Variants in MYT1L observed in about 807,000 individuals in gnomAD.
MYT1L encodes myelin transcription factor 1-like protein.
Under a neutral mutation model 126.7 loss-of-function variants are expected in MYT1L, and 12 were observed. That is an observed-to-expected ratio of 0.09 (90% CI 0.06 to 0.15). MYT1L has a LOEUF of 0.15. MYT1L is among the 10% of genes least tolerant of loss of function. The pLI is 1.00. For missense variants in MYT1L, 979 were observed against 1,585.2 expected (o/e 0.62, Z 6.49); for synonymous variants, 541 against 604.2 (o/e 0.90, Z 1.53).
intron 4 of MYT1L, among the ~76,000 whole-genome samples, chr2:2,050,186 G>A (rs939881840): frequency 5.3e-5 from 8 of 152,106 alleles, no homozygotes; most frequent in African/African-American, 1.7e-4. Context: ...CAAATTTTTT[G>A]TAGAGATTTG....
intron 2 of MYT1L, among the ~76,000 whole-genome samples, chr2:2,204,822 T>C (rs1315844615): frequency 6.6e-6 from 1 of 152,102 alleles, no homozygotes; most frequent in African/African-American, 2.4e-5. Flanking sequence ...CATATGTTTA[T>C]TGCAGCACTA....
chr2:2,133,197 A>C (rs936590815), intron 3 of MYT1L, among the ~76,000 whole-genome samples: 1 of 152,168 alleles, frequency 6.6e-6, no homozygotes, highest in African/African-American at 2.4e-5. Flanking sequence ...AAGTTTAGGA[A>C]GATCACAGGA....
intron 8 of MYT1L, among the ~76,000 whole-genome samples, chr2:1,968,164 C>T (rs1225314514): frequency 1.3e-5 from 2 of 152,196 alleles, no homozygotes; most frequent in Non-Finnish European, 2.9e-5. Flanking sequence ...GCTCTCAGAT[C>T]TTATCCCCGT....
At chr2:2,257,064 C>G (rs563919207) in intron 2 of MYT1L, among the ~76,000 whole-genome samples, 65 of 152,250 alleles carry the variant, frequency 4.3e-4, no homozygotes, top group African/African-American at 1.6e-3. Context: ...TGTGCCCCAC[C>G]CCCAGAGTTT....
chr2:2,295,679 GAC>G (rs753167476), intron 1 of MYT1L, among the ~76,000 whole-genome samples: 134 of 136,086 alleles, frequency 9.8e-4, no homozygotes, highest in South Asian at 1.5e-3. Context: ...GAGAGAGAGA[GAC>G]AGACAGAGAG....
At chr2:1,858,505 G>A (rs6736339) in intron 18 of MYT1L, among the ~76,000 whole-genome samples, 1,765 of 152,282 alleles carry the variant, frequency 0.012, 35 homozygotes, top group African/African-American at 0.04. Flanking sequence ...TTTGTATTAA[G>A]AATTGTATGT....
intron 18 of MYT1L, among the ~76,000 whole-genome samples, chr2:1,866,199 A>G (rs1041597929): frequency 6.6e-6 from 1 of 152,148 alleles, no homozygotes; most frequent in Non-Finnish European, 1.5e-5. Flanking sequence ...ACCATGGCCA[A>G]GGGGATCTTT....
rs771639971 is a variant in MYT1L, at chr2:1,922,702, T to C, written c.1067A>G (p.Asn356Ser). Residue 356 changes from asparagine (N) to serine (S), a missense_variant, in exon 10 of 25, where the codon AAC becomes AGC. Physicochemically the swap from Asn to Ser is conservative, Grantham distance 46. Around this residue, in one of 12 missense-constraint regions of MYT1L, gnomAD observed 243 missense variants for 363.9 expected, o/e 0.67. Coordinates refer to ENST00000647738, the MANE Select transcript of MYT1L (RefSeq NM_001303052.2). The surrounding 1 kb of genome is among the most constrained non-coding windows in gnomAD (Gnocchi z 7.4). ...PQERNPQQNMNIRQHVRPEED... is the reference protein window; with the variant it reads ...PQERNPQQNMSIRQHVRPEED... ...TTCTGGCCGGACATGCTGACGGATG[T>C]TCATGTTCTGCTGCGGATTCCTCTC... The C allele has an allele frequency of 5.0e-6, 8 of 1,613,858 alleles. No homozygotes were observed. In the South Asian group the frequency reaches 7.7e-5, roughly 16 times the overall value.
chr2:1,920,331 G>A (rs573212277), intron 10 of MYT1L, among the ~76,000 whole-genome samples: 14 of 152,274 alleles, frequency 9.2e-5, no homozygotes, highest in African/African-American at 3.1e-4. Flanking sequence ...AACAAAACGA[G>A]TCAAAATTTG....
intron 3 of MYT1L, among the ~76,000 whole-genome samples, chr2:2,103,407 G>A (rs1353546157): frequency 1.3e-5 from 2 of 152,168 alleles, no homozygotes; most frequent in South Asian, 2.1e-4. Context: ...ATGGCAACAC[G>A]TCCTCCTCTT....
At chr2:2,028,714 C>T (rs983716568) in intron 4 of MYT1L, among the ~76,000 whole-genome samples, 1 of 152,092 alleles carries the variant, frequency 6.6e-6, no homozygotes, top group African/African-American at 2.4e-5. Flanking sequence ...GTCAATAAAA[C>T]CATCTTTCAT....
chr2:2,021,014 T>A (rs1242710430), intron 4 of MYT1L, among the ~76,000 whole-genome samples: 1 of 152,102 alleles, frequency 6.6e-6, no homozygotes, highest in Non-Finnish European at 1.5e-5. Context: ...GTCCTCAGGG[T>A]CCCTCTCTGC....
Position 2,293,661 on chromosome 2 carries a change from G to A in MYT1L, c.-520-9158C>T, listed in dbSNP as rs566633869. Among the ~76,000 whole-genome samples, 5 of 152,262 alleles carry A rather than the reference G, an allele frequency of 3.3e-5. No homozygotes were observed. The East Asian group carries it at 9.7e-4, about 29-fold the overall frequency. On this transcript the variant is annotated intron_variant, in intron 1 of 24. Coordinates refer to ENST00000647738, the MANE Select transcript of MYT1L (RefSeq NM_001303052.2). The stretch of plus-strand genomic sequence containing the variant: ...GTGTCTGTGTCCCTTAGGTGCGCAG[G>A]GCCAAAGCTTCCGCCTGAGGCTGCC...
chr2:2,174,213 A>C (rs924243084), intron 2 of MYT1L, among the ~76,000 whole-genome samples: 1 of 152,196 alleles, frequency 6.6e-6, no homozygotes, highest in African/African-American at 2.4e-5. Context: ...GTAACATTTA[A>C]AAATATACAC....
intron 4 of MYT1L, among the ~76,000 whole-genome samples, chr2:2,010,854 A>G (rs2063754472): frequency 6.6e-6 from 1 of 152,148 alleles, no homozygotes. Context: ...CCATACCAAG[A>G]AGTAACTCAC....
intron 18 of MYT1L, among the ~76,000 whole-genome samples, chr2:1,885,716 G>A (rs780489465): frequency 5.9e-5 from 9 of 152,164 alleles, no homozygotes; most frequent in East Asian, 1.9e-4. Context: ...AATTTAAATC[G>A]ATTATCTGGG....
intron 1 of MYT1L, among the ~76,000 whole-genome samples, chr2:2,330,301 T>A (rs1279308438): frequency 1.3e-5 from 2 of 152,136 alleles, no homozygotes; most frequent in Non-Finnish European, 2.9e-5. Flanking sequence ...ATTCAAAATC[T>A]GTTCTCTATA....
intron 8 of MYT1L, among the ~76,000 whole-genome samples, chr2:1,971,040 A>G (rs1393776240): frequency 6.6e-6 from 1 of 152,032 alleles, no homozygotes; most frequent in African/African-American, 2.4e-5. Flanking sequence ...CCTTTTACCA[A>G]ATGTCAAAAA....
intron 3 of MYT1L, among the ~76,000 whole-genome samples, chr2:2,136,610 T>G (rs1044660406): frequency 6.6e-6 from 1 of 152,236 alleles, no homozygotes; most frequent in Non-Finnish European, 1.5e-5. Flanking sequence ...GTTCTTTCTC[T>G]ATTAATTTTT....
Sources: allele counts gnomAD v4.1 joint callset (sites outside exome capture counted in the v4.1 genomes callset), GRCh38; gene constraint gnomAD v4.1.1; regional missense constraint gnomAD v4.1.1; non-coding constraint Gnocchi (gnomAD v3.1); transcripts MANE v1.5; gene names NCBI Gene and HGNC (gene_info 2026-07-23, HGNC 2026-07-21).